LAMP3: variants seen among roughly 807,000 people sequenced by gnomAD.
LAMP3 encodes the protein lysosome associated membrane protein 3.
Under a neutral mutation model 34.8 loss-of-function variants are expected in LAMP3, and 26 were observed. The observed-to-expected ratio is 0.75, with a 90% confidence interval of 0.55 to 1.04. The LOEUF is 1.04. LAMP3 is among the 50% of genes least tolerant of loss of function. The pLI is 0.00. For synonymous variants in LAMP3, 180 were observed against 201.9 expected (o/e 0.89, Z 0.92); for missense variants, 495 against 524.0 (o/e 0.94, Z 0.54).
chr3:183,136,896 T>A (rs1202788125), intron 4 of LAMP3, among the ~76,000 whole-genome samples: 1 of 152,030 alleles, frequency 6.6e-6, no homozygotes, highest in Admixed American at 6.6e-5. Context: ...TGGTCCCAAG[T>A]ACTTGGGAGG....
upstream of LAMP3, chr3:183,162,741 G>A: frequency 1.6e-6 from 2 of 1,263,482 alleles, no homozygotes; most frequent in South Asian, 1.5e-5. Context: ...CTGTGCCGGA[G>A]AAACGAAACC....
intron 2 of LAMP3, 122 bp from the exon 3 acceptor site, chr3:183,152,625 A>G (rs1720676605): frequency 1.2e-6 from 1 of 834,128 alleles, no homozygotes; most frequent in Non-Finnish European, 1.8e-6. Context: ...GGAGAACTGC[A>G]AAGTCCCCAG....
At chr3:183,163,192 G>A (rs1721032691), upstream of LAMP3, among the ~76,000 whole-genome samples, 1 of 151,778 alleles carries the variant, frequency 6.6e-6, no homozygotes. Context: ...TCCTGACCTC[G>A]TGATTCGCCC....
intron 5 of LAMP3, among the ~76,000 whole-genome samples, chr3:183,130,392 T>A (rs962558971): frequency 4.6e-5 from 7 of 152,040 alleles, no homozygotes; most frequent in Non-Finnish European, 8.8e-5. Flanking sequence ...TCTCCTGACC[T>A]CATGATCCGC....
chr3:183,162,489 A>T (rs1721006254), intron 1 of LAMP3, 118 bp downstream of exon 1: 2 of 1,009,554 alleles, frequency 2.0e-6, no homozygotes, highest in East Asian at 5.3e-5. Context: ...AAGCCCTTGG[A>T]CGCGCCACAC....
At chr3:183,125,788 C>A (rs1388954866) in intron 5 of LAMP3, among the ~76,000 whole-genome samples, 1 of 152,128 alleles carries the variant, frequency 6.6e-6, no homozygotes, top group Non-Finnish European at 1.5e-5. Context: ...TGACTTCAAG[C>A]CATCCTCCCA....
intron 5 of LAMP3, among the ~76,000 whole-genome samples, chr3:183,130,689 A>G (rs1259899796): frequency 6.6e-6 from 1 of 152,028 alleles, no homozygotes; most frequent in African/African-American, 2.4e-5. Flanking sequence ...TTTTTGTAGC[A>G]TGGAAACTAG....
At chr3:183,125,412 A>T (rs1719758161) in intron 5 of LAMP3, among the ~76,000 whole-genome samples, 1 of 152,214 alleles carries the variant, frequency 6.6e-6, no homozygotes, top group African/African-American at 2.4e-5. Context: ...AATTTGGACA[A>T]GAAAGAAACT....
In LAMP3 at chr3:183,124,252, T is replaced by G. The variant is rs1244348375; in HGVS notation, c.1118-38A>C. On this transcript the variant is annotated intron_variant, in intron 5 of 5. Transcript: ENST00000265598. ...ACAAATACAATACAGTGGGTAAGGT[T>G]TGGTGATGCAGTCCAGAAAGCAGGC... The G allele has an allele frequency of 4.7e-6, 7 of 1,488,282 alleles. No homozygotes were observed. In the South Asian group the frequency reaches 7.0e-5, roughly 15 times the overall value. The allele number at this position is 1,488,282 out of a possible 1,614,324, so 92.2% of individuals were successfully genotyped here.
chr3:183,142,264 G>A (rs1308353838), intron 3 of LAMP3, among the ~76,000 whole-genome samples: 1 of 152,154 alleles, frequency 6.6e-6, no homozygotes, highest in Non-Finnish European at 1.5e-5. Flanking sequence ...CCATCGAAGG[G>A]TTTTAAGCAG....
chr3:183,132,172 A>G (rs1207436066), intron 5 of LAMP3: 2 of 985,274 alleles, frequency 2.0e-6, no homozygotes, highest in Non-Finnish European at 2.4e-6. Flanking sequence ...ACATTTATTG[A>G]GCCCCTCCTT....
intron 1 of LAMP3, among the ~76,000 whole-genome samples, chr3:183,161,360 T>C (rs1382886093): frequency 6.6e-6 from 1 of 152,156 alleles, no homozygotes; most frequent in African/African-American, 2.4e-5. Flanking sequence ...CACTTGCCCT[T>C]GCATTTGTCA....
intron 3 of LAMP3, among the ~76,000 whole-genome samples, chr3:183,148,590 A>G (rs1367143626): frequency 6.6e-6 from 1 of 152,246 alleles, no homozygotes; most frequent in Non-Finnish European, 1.5e-5. Flanking sequence ...GGTCTATGAA[A>G]AGGTGCTCAA....
Position 183,122,584 on chromosome 3 carries a change from T to C in LAMP3, c.*1497A>G, listed in dbSNP as rs764771321. The C allele has an allele frequency of 6.6e-6, 1 of 152,226 alleles. No homozygotes were observed. The highest frequency in any genetic ancestry group is 1.9e-4 in the East Asian group (1 of 5,202). The allele number at this position is 152,226 out of a possible 1,614,324, so 9.4% of individuals were successfully genotyped here. ...GTTGGTTAGCGAAGTTTCTCTATTATCAAAAAAATTTAAAAATACTTTGAG... is the reference window on the plus strand; with the variant it reads ...GTTGGTTAGCGAAGTTTCTCTATTACCAAAAAAATTTAAAAATACTTTGAG... On this transcript the variant is annotated 3_prime_UTR_variant, in exon 6 of 6. Coordinates refer to ENST00000265598, the MANE Select transcript of LAMP3 (RefSeq NM_014398.4).
At chr3:183,149,056 G>A (rs1301480903) in intron 3 of LAMP3, among the ~76,000 whole-genome samples, 1 of 152,142 alleles carries the variant, frequency 6.6e-6, no homozygotes, top group African/African-American at 2.4e-5. Context: ...GGATGCAACC[G>A]GAGGTCATCA....
intron 4 of LAMP3, among the ~76,000 whole-genome samples, chr3:183,138,522 A>G (rs753659870): frequency 3.9e-5 from 6 of 152,194 alleles, no homozygotes; most frequent in Non-Finnish European, 1.5e-5. Flanking sequence ...GGGGATACAA[A>G]CAAATAAAGG....
At chr3:183,133,744 A>C (rs1433661105) in intron 5 of LAMP3, among the ~76,000 whole-genome samples, 1 of 152,154 alleles carries the variant, frequency 6.6e-6, no homozygotes, top group African/African-American at 2.4e-5. Flanking sequence ...GACAGCAAAA[A>C]CCCTAAAACT....
intron 3 of LAMP3, among the ~76,000 whole-genome samples, chr3:183,144,268 T>G (rs76259433): frequency 0.051 from 7,750 of 152,256 alleles, 668 homozygotes; most frequent in African/African-American, 0.18. Flanking sequence ...TATCAAACAT[T>G]GCTAAAGATA....
At chr3:183,157,852 C>T (rs1211880510) in intron 1 of LAMP3, among the ~76,000 whole-genome samples, 3 of 152,108 alleles carry the variant, frequency 2.0e-5, no homozygotes, top group Admixed American at 6.6e-5. Context: ...CACAAATGAA[C>T]GGCATCCTAA....
Sources: gnomAD v4.1 joint callset for allele counts (sites outside exome capture counted in the v4.1 genomes callset) on GRCh38, gnomAD v4.1.1 for gene constraint, MANE v1.5 for transcripts, NCBI Gene and HGNC (gene_info 2026-07-23, HGNC 2026-07-21) for gene names.